Variants in ZNF507 observed in about 807,000 individuals in gnomAD.
ZNF507 encodes the protein zinc finger protein 507.
Under a neutral mutation model 80.0 loss-of-function variants are expected in ZNF507, and 29 were observed. The observed-to-expected ratio is 0.36, with a 90% CI of 0.27 to 0.49. The LOEUF is 0.49. ZNF507 is among the 20% of genes least tolerant of loss of function. The pLI is 0.98. For synonymous variants in ZNF507, 462 were observed against 422.5 expected (o/e 1.09, Z -1.15); for missense variants, 1,081 against 1,152.2 (o/e 0.94, Z 0.90).
At chr19:32,372,609 C>T (rs1049981452) in intron 5 of ZNF507, among the ~76,000 whole-genome samples, 76 of 151,878 alleles carry the variant, frequency 5.0e-4, no homozygotes, top group Non-Finnish European at 9.0e-4. Flanking sequence ...GGGACACATG[C>T]GAAGAACGGA....
intron 5 of ZNF507, among the ~76,000 whole-genome samples, chr19:32,361,678 CT>C (rs1236820231): frequency 4.8e-5 from 1 of 20,966 alleles, no homozygotes; most frequent in East Asian, 1.9e-3. Flanking sequence ...TCCTTCCTTC[CT>C]TTCCTTCCTT....
At chr19:32,371,381 G>A (rs1314190608) in intron 5 of ZNF507, among the ~76,000 whole-genome samples, 1 of 151,248 alleles carries the variant, frequency 6.6e-6, no homozygotes, top group African/African-American at 2.4e-5. Context: ...GGCTGAGGCA[G>A]GAGAATCACC....
rs2145316962 is a variant in ZNF507 at position 32,353,667 on chromosome 19, A to G, written c.837A>G (p.Pro279=). 6.2e-7 allele frequency: 1 copy of G among 1,614,220 alleles called. No individual in the cohort carries two copies. The highest frequency in any genetic ancestry group is 8.5e-7 in the Non-Finnish European group (1 of 1,180,048). ...CTGGGGAGGTTGATTGCTCCTATCC[A>G]ATCTTTGAAAATGAAAATGAACCCC... is the stretch of plus-strand genomic sequence containing the variant. ...KHAGEVDCSY[P]IFENENEPLG... The change falls in exon 3 of 7, where the codon CCA becomes CCG. Residue 279 remains proline (P), a synonymous_variant. Coordinates refer to ENST00000355898, the MANE Select transcript of ZNF507 (RefSeq NM_001136156.2).
intron 2 of ZNF507, among the ~76,000 whole-genome samples, chr19:32,348,385 T>A (rs936153082): frequency 1.3e-5 from 2 of 152,210 alleles, no homozygotes; most frequent in African/African-American, 4.8e-5. Context: ...GTACTTTTCT[T>A]CATATAAACA....
intron 5 of ZNF507, among the ~76,000 whole-genome samples, chr19:32,375,453 C>G (rs1259717156): frequency 1.3e-5 from 2 of 152,206 alleles, no homozygotes; most frequent in Admixed American, 1.3e-4. Flanking sequence ...GTAGTCCATG[C>G]TGTGAGAGAT....
In ZNF507 at chr19:32,382,994, A is replaced by C. The variant is rs1450431205; in HGVS notation, c.2773A>C (p.Asn925His). The change falls in exon 7 of 7, where the codon AAC becomes CAC. Residue 925 changes from asparagine (N) to histidine (H), a missense_variant. By Grantham distance (68) the Asn-to-His change is moderately conservative. Coordinates refer to ENST00000355898, the MANE Select transcript of ZNF507 (RefSeq NM_001136156.2). ...TGGTTTTGAATCAACCAGCAAAGAAAACCTCTTGGATCATATGAAAGAGCA... is the reference window on the plus strand; with the variant it reads ...TGGTTTTGAATCAACCAGCAAAGAACACCTCTTGGATCATATGAAAGAGCA... ...ICGFESTSKE[N>H]LLDHMKEHEG... The C allele has an allele frequency of 1.9e-6, 3 of 1,614,180 alleles. No individual in the cohort carries two copies. Among genetic ancestry groups the C allele is most frequent in the Non-Finnish European group, 2.5e-6 (3 of 1,180,022 alleles).
intron 5 of ZNF507, among the ~76,000 whole-genome samples, chr19:32,360,892 C>A (rs779784193): frequency 1.3e-5 from 2 of 152,202 alleles, no homozygotes; most frequent in Admixed American, 6.5e-5. Flanking sequence ...CCACATCAGC[C>A]TCCCAAAGTG....
chr19:32,356,550 C>T, intron 3 of ZNF507, 66 bp from the exon 4 acceptor site: 1 of 1,157,304 alleles, frequency 8.6e-7, no homozygotes. Flanking sequence ...ACCTGTTCTT[C>T]TACAGCCTCC....
chr19:32,354,498 T>C lies in ZNF507; in HGVS notation c.1668T>C (p.Ser556=), dbSNP rs529378395. Residue 556 remains serine (S), a synonymous_variant, in exon 3 of 7, where the codon AGT becomes AGC. Transcript: ENST00000355898. ...AAAACTCTTCAGATGGATTAACTAG[T>C]CTTAACCAAAGCAACTCCACCTTGG... The part of the protein sequence containing the change: ...PLKNSSDGLT[S]LNQSNSTLVA... 319 of 1,614,096 alleles carry C rather than the reference T, an allele frequency of 2.0e-4. 2 individuals carry two copies. In the East Asian group the frequency reaches 3.1e-3, roughly 15 times the overall value.
chr19:32,355,441 G>A (rs967660205), intron 3 of ZNF507, among the ~76,000 whole-genome samples: 3 of 152,058 alleles, frequency 2.0e-5, no homozygotes, highest in Admixed American at 6.5e-5. Context: ...GGGCTATGGC[G>A]GACCTATTAA....
At chr19:32,355,196 T>G (rs1415593110) in intron 3 of ZNF507, among the ~76,000 whole-genome samples, 2 of 152,174 alleles carry the variant, frequency 1.3e-5, no homozygotes, top group African/African-American at 4.8e-5. Flanking sequence ...TGTGTTTTAG[T>G]GTGTATAGTT....
Position 32,384,611 on chromosome 19 carries a change from T to C in ZNF507, c.*1528T>C, listed in dbSNP as rs895962375. 5 of 152,214 alleles carry C rather than the reference T, an allele frequency of 3.3e-5. No individual in the cohort carries two copies. Among genetic ancestry groups the C allele is most frequent in the African/African-American group, 9.7e-5 (4 of 41,442 alleles). 9.4% of individuals were successfully genotyped at this position (152,214 alleles called of 1,614,324 possible). A position where few individuals can be genotyped will look rare whatever the true frequency, so the allele number is the denominator to read the frequency against. On this transcript the variant is annotated 3_prime_UTR_variant, in exon 7 of 7. Coordinates refer to ENST00000355898, the MANE Select transcript of ZNF507 (RefSeq NM_001136156.2). ...CGCTGTAGGCACGTTTTAAGAAGTA[T>C]TCTGTTCCTAAAGTCCAGGTATGAT...
Position 32,345,646 on chromosome 19 carries a change from CGGATGAGGA to C in ZNF507, c.-231_-223del. On this transcript the variant is annotated 5_prime_UTR_variant, in exon 1 of 7. It removes an upstream start codon present in the reference 5' UTR. Transcript: ENST00000355898. ...CCCCAGCGCCGCCATTTTGGAGCTC[CGGATGAGGA>C]GGGGGAAACCGGGGGAAAAGAGGGA... 1 of 152,714 alleles carries C rather than the reference CGGATGAGGA, an allele frequency of 6.5e-6. No homozygotes were observed. The highest frequency in any genetic ancestry group is 2.4e-5 in the African/African-American group (1 of 41,564). 9.5% of individuals were successfully genotyped at this position (152,714 alleles called of 1,614,324 possible). A position where few individuals can be genotyped will look rare whatever the true frequency, so the allele number is the denominator to read the frequency against.
intron 5 of ZNF507, among the ~76,000 whole-genome samples, chr19:32,379,157 AGACACT>A (rs1361833804): frequency 6.6e-6 from 1 of 152,216 alleles, no homozygotes; most frequent in African/African-American, 2.4e-5. Context: ...TCACAGATAC[AGACACT>A]GAGTTTAATG....
At chr19:32,364,048 AAGATTAGGTG>A (rs1298079385) in intron 5 of ZNF507, among the ~76,000 whole-genome samples, 1 of 152,194 alleles carries the variant, frequency 6.6e-6, no homozygotes, top group East Asian at 1.9e-4. Flanking sequence ...AGGCTTTGTG[AAGATTAGGTG>A]AGATTATATT....
rs200776465 is a variant in ZNF507, at chr19:32,365,177, T to C, written c.2360+4559T>C. Among the ~76,000 whole-genome samples, 4 of 152,228 alleles carry C rather than the reference T, an allele frequency of 2.6e-5. No individual in the cohort carries two copies. In the East Asian group the frequency reaches 7.7e-4, roughly 29 times the overall value. On this transcript the variant is annotated intron_variant, in intron 5 of 6. Transcript: ENST00000355898. ...GTCTATTTATGTCCTTAGCCCACTT[T>C]TTGATGGGATTGATTGTTTTTTTCC...
intron 5 of ZNF507, among the ~76,000 whole-genome samples, chr19:32,380,204 A>G (rs532275995): frequency 6.6e-6 from 1 of 152,094 alleles, no homozygotes. Context: ...AGAATTGCCT[A>G]TTTAGGCCGG....
In ZNF507 at chr19:32,353,536, A is replaced by G. The variant is rs1967201896; in HGVS notation, c.706A>G (p.Arg236Gly). The G allele has an allele frequency of 6.2e-7, 1 of 1,614,124 alleles. No homozygotes were observed. The highest frequency in any genetic ancestry group is 1.3e-5 in the African/African-American group (1 of 74,942). Residue 236 changes from arginine (R) to glycine (G), a missense_variant, in exon 3 of 7, where the codon AGG becomes GGG. Arg to Gly is a moderately radical substitution (Grantham distance 125, BLOSUM62 -2). This residue lies in a region of ZNF507 where 275 missense variants were observed against 303.9 expected (regional missense o/e 0.90). Transcript: ENST00000355898. Reference protein sequence around the residue: ...VQTASVAEMGRRKWYAYEQYG... With the variant: ...VQTASVAEMGGRKWYAYEQYG... ...AACTGCATCTGTGGCAGAAATGGGT[A>G]GGAGGAAATGGTATGCATACGAACA...
chr19:32,384,750 A>G lies in ZNF507; in HGVS notation c.*1667A>G, dbSNP rs1245760078. ...CTAATCTCATTTTGGTGATATTTAAACAAACATAAATGATTGTAACTTTGC... is the reference window on the plus strand; with the variant it reads ...CTAATCTCATTTTGGTGATATTTAAGCAAACATAAATGATTGTAACTTTGC... On this transcript the variant is annotated 3_prime_UTR_variant, in exon 7 of 7. Coordinates refer to ENST00000355898, the MANE Select transcript of ZNF507 (RefSeq NM_001136156.2). 1.3e-5 allele frequency: 2 copies of G among 152,116 alleles called. No homozygotes were observed. Among genetic ancestry groups the G allele is most frequent in the African/African-American group, 4.8e-5 (2 of 41,424 alleles). 9.4% of individuals were successfully genotyped at this position (152,116 alleles called of 1,614,324 possible).
Sources: allele counts gnomAD v4.1 joint callset (sites outside exome capture counted in the v4.1 genomes callset), GRCh38; gene constraint gnomAD v4.1.1; regional missense constraint gnomAD v4.1.1; transcripts MANE v1.5; gene names NCBI Gene and HGNC (gene_info 2026-07-23, HGNC 2026-07-21).